The following KCNQ1OT1 variants were observed in gnomAD, a reference collection of about 807,000 sequenced individuals.
The protein encoded by KCNQ1OT1 is KCNQ1 antisense RNA 2 (non-protein coding).
exon 1 of KCNQ1OT1, chr11:2,655,610 A>C: frequency 2.5e-6 from 1 of 398,750 alleles, no homozygotes; most frequent in Admixed American, 4.4e-5. Context: ...GTTAGGGCAC[A>C]GCACTTGCCC....
chr11:2,619,518 CAT>C (rs1305074004), exon 1 of KCNQ1OT1: 3 of 398,444 alleles, frequency 7.5e-6, no homozygotes, highest in African/African-American at 6.2e-5. Flanking sequence ...ATTAATTCCA[CAT>C]AGACATGATA....
Position 2,690,874 on chromosome 11 carries a change from G to A in KCNQ1OT1, n.9121C>T, listed in dbSNP as rs775495913. ...CAGGTACCTTTAGGGACACAGGAGT[G>A]TAAGCCACTGTTTCCGTCTGGGTTT... On this transcript the variant is annotated non_coding_transcript_exon_variant, in exon 1 of 1. Coordinates refer to ENST00000597346, the Ensembl canonical transcript of KCNQ1OT1. This position sits in a 1 kb window ranked among gnomAD's most constrained non-coding sequence, Gnocchi z 5.1. 4 of 398,506 alleles carry A rather than the reference G, an allele frequency of 1.0e-5. No homozygotes were observed. Among genetic ancestry groups the A allele is most frequent in the Non-Finnish European group, 1.3e-5 (3 of 226,072 alleles). The allele number at this position is 398,506 out of a possible 1,614,324, so 24.7% of individuals were successfully genotyped here.
In KCNQ1OT1 at chr11:2,661,905, A is replaced by G. The variant is rs202207669; in HGVS notation, n.38090T>C. On this transcript the variant is annotated non_coding_transcript_exon_variant, in exon 1 of 1. Transcript: ENST00000597346. The surrounding 1 kb of genome is among the most constrained non-coding windows in gnomAD (Gnocchi z 5.9). ...TGGGAGCTCACAGGCCTGGCTCCAC[A>G]GCACTGGCAGGTTGGGTGGGAGGCC... 3.1e-6 allele frequency: 5 copies of G among 1,612,834 alleles called. No homozygotes were observed. Among genetic ancestry groups the G allele is most frequent in the Non-Finnish European group, 4.2e-6 (5 of 1,179,160 alleles).
chr11:2,640,918 C>G lies in KCNQ1OT1; in HGVS notation n.59077G>C, dbSNP rs758637364. On this transcript the variant is annotated non_coding_transcript_exon_variant, in exon 1 of 1. Transcript: ENST00000597346. ...TTATAGCTCCCACATATGATAATAA[C>G]ATAAGATAATTATCTTTCTGTGCCT... is the stretch of plus-strand genomic sequence containing the variant. 1.2e-4 allele frequency: 48 copies of G among 399,436 alleles called. No individual in the cohort carries two copies. The Middle Eastern group carries it at 1.7e-3, about 14-fold the overall frequency. 24.7% of individuals were successfully genotyped at this position (399,436 alleles called of 1,614,324 possible). A position where few individuals can be genotyped will look rare whatever the true frequency, so the allele number is the denominator to read the frequency against.
chr11:2,675,468 C>A (rs1007208552), exon 1 of KCNQ1OT1: 1 of 398,474 alleles, frequency 2.5e-6, no homozygotes, highest in Non-Finnish European at 4.4e-6. Flanking sequence ...AAAAAAGTTA[C>A]ATAAAAACGT....
rs545049045 is a variant in KCNQ1OT1, at chr11:2,660,096, C to T, written n.39899G>A. ...CTCTTACGAGTTAAACTTTTGGTTT[C>T]GTATTTCAGAATTCACTGCCAAATC... On this transcript the variant is annotated non_coding_transcript_exon_variant, in exon 1 of 1. Transcript: ENST00000597346. The T allele has an allele frequency of 1.0e-3, 399 of 393,168 alleles. No individual in the cohort carries two copies. Among genetic ancestry groups the T allele is most frequent in the Non-Finnish European group, 1.5e-3 (332 of 221,842 alleles). The allele number at this position is 393,168 out of a possible 1,614,324, so 24.4% of individuals were successfully genotyped here. A position where few individuals can be genotyped will look rare whatever the true frequency, so the allele number is the denominator to read the frequency against.
exon 1 of KCNQ1OT1, chr11:2,615,514 C>T (rs2133796341): frequency 7.5e-6 from 3 of 397,822 alleles, no homozygotes; most frequent in Middle Eastern, 1.3e-3. Flanking sequence ...TTTTTTTTCT[C>T]ATTAAGTATA....
At chr11:2,622,141 A>G (rs912831242) in exon 1 of KCNQ1OT1, 7 of 398,208 alleles carry the variant, frequency 1.8e-5, no homozygotes, top group Admixed American at 8.8e-5. Context: ...CCCATTACTG[A>G]AAGTACGTTA....
exon 1 of KCNQ1OT1, chr11:2,610,141 T>C (rs1465196): frequency 5.0e-6 from 2 of 397,860 alleles, no homozygotes; most frequent in African/African-American, 4.1e-5. Flanking sequence ...TAATATAAAT[T>C]TTCATTTCTT....
chr11:2,668,343 C>G lies in KCNQ1OT1; in HGVS notation n.31652G>C, dbSNP rs553585367. Reference sequence around the variant, plus strand: ...TGCCTATGTGTGGAGCTGCAGGGTCCTGGGTGGGCATATGTTTACTCTTAG... The same window carrying G: ...TGCCTATGTGTGGAGCTGCAGGGTCGTGGGTGGGCATATGTTTACTCTTAG... On this transcript the variant is annotated non_coding_transcript_exon_variant, in exon 1 of 1. Coordinates refer to ENST00000597346, the Ensembl canonical transcript of KCNQ1OT1. The surrounding 1 kb of genome is among the most constrained non-coding windows in gnomAD (Gnocchi z 4.3). 1 of 398,580 alleles carries G rather than the reference C, an allele frequency of 2.5e-6. No homozygotes were observed. The highest frequency in any genetic ancestry group is 1.3e-4 in the South Asian group (1 of 7,850). The allele number at this position is 398,580 out of a possible 1,614,324, so 24.7% of individuals were successfully genotyped here. A position where few individuals can be genotyped will look rare whatever the true frequency, so the allele number is the denominator to read the frequency against.
exon 1 of KCNQ1OT1, chr11:2,693,959 C>T (rs1850631589): frequency 5.0e-6 from 2 of 398,622 alleles, no homozygotes; most frequent in Non-Finnish European, 4.4e-6. Context: ...CATCAGTCTG[C>T]ACTAACTGGA....
chr11:2,623,421 T>G lies in KCNQ1OT1; in HGVS notation n.76574A>C. The stretch of plus-strand genomic sequence containing the variant: ...CTAAAAGTACTCTGTGCACTGCCTA[T>G]TCAACCCTTCTTCCCCAACAACCCT... On this transcript the variant is annotated non_coding_transcript_exon_variant, in exon 1 of 1. Coordinates refer to ENST00000597346, the Ensembl canonical transcript of KCNQ1OT1. The surrounding 1 kb of genome is among the most constrained non-coding windows in gnomAD (Gnocchi z 5.2). 2.5e-6 allele frequency: 1 copy of G among 398,644 alleles called. No homozygotes were observed. The highest frequency in any genetic ancestry group is 4.4e-6 in the Non-Finnish European group (1 of 226,064). 24.7% of individuals were successfully genotyped at this position (398,644 alleles called of 1,614,324 possible).
exon 1 of KCNQ1OT1, chr11:2,675,638 G>A (rs1421895364): frequency 2.5e-6 from 1 of 398,626 alleles, no homozygotes; most frequent in Non-Finnish European, 4.4e-6. Flanking sequence ...ATTAGAGGGT[G>A]GTTGGGCTCT....
At position 2,617,051 on chromosome 11, in the gene KCNQ1OT1, C is replaced by A; in HGVS notation, n.82944G>T. 2.5e-6 allele frequency: 1 copy of A among 397,936 alleles called. No homozygotes were observed. Among genetic ancestry groups the A allele is most frequent in the East Asian group, 3.6e-5 (1 of 28,032 alleles). The allele number at this position is 397,936 out of a possible 1,614,324, so 24.7% of individuals were successfully genotyped here. A position where few individuals can be genotyped will look rare whatever the true frequency, so the allele number is the denominator to read the frequency against. On this transcript the variant is annotated non_coding_transcript_exon_variant, in exon 1 of 1. Transcript: ENST00000597346. This position sits in a 1 kb window ranked among gnomAD's most constrained non-coding sequence, Gnocchi z 4.6. ...AACATAGTGATGCAAATTAATATGT[C>A]CATCATCTCACAGTTATTCTTTTGT... is the stretch of plus-strand genomic sequence containing the variant.
exon 1 of KCNQ1OT1, chr11:2,618,454 G>C (rs1849106296): frequency 5.0e-6 from 2 of 398,490 alleles, no homozygotes; most frequent in South Asian, 2.5e-4. Context: ...ATTTATGAGA[G>C]AGACTATCTT....
chr11:2,659,746 C>G lies in KCNQ1OT1; in HGVS notation n.40249G>C, dbSNP rs1849917053. On this transcript the variant is annotated non_coding_transcript_exon_variant, in exon 1 of 1. Coordinates refer to ENST00000597346, the Ensembl canonical transcript of KCNQ1OT1. The surrounding 1 kb of genome is among the most constrained non-coding windows in gnomAD (Gnocchi z 4.3). ...ATGAGAGTTCTACATGTTCCACATC[C>G]TCAAGAGTGGTTGGTATTGTCAGGT... is the stretch of plus-strand genomic sequence containing the variant. 1 of 398,304 alleles carries G rather than the reference C, an allele frequency of 2.5e-6. No homozygotes were observed. The highest frequency in any genetic ancestry group is 2.1e-5 in the African/African-American group (1 of 48,598). 24.7% of individuals were successfully genotyped at this position (398,304 alleles called of 1,614,324 possible).
chr11:2,678,711 T>TA lies in KCNQ1OT1; in HGVS notation n.21283dup. ...CTAAGATCTAAACACTCTTAAGATT[T>TA]AAACACAGGATTAGCTCTTGAGTTA... On this transcript the variant is annotated non_coding_transcript_exon_variant, in exon 1 of 1. Coordinates refer to ENST00000597346, the Ensembl canonical transcript of KCNQ1OT1. This position sits in a 1 kb window ranked among gnomAD's most constrained non-coding sequence, Gnocchi z 4.9. 1 of 398,646 alleles carries TA rather than the reference T, an allele frequency of 2.5e-6. No homozygotes were observed. 24.7% of individuals were successfully genotyped at this position (398,646 alleles called of 1,614,324 possible). A position where few individuals can be genotyped will look rare whatever the true frequency, so the allele number is the denominator to read the frequency against.
At chr11:2,666,107 G>C (rs1056277066) in exon 1 of KCNQ1OT1, 5 of 398,570 alleles carry the variant, frequency 1.3e-5, no homozygotes, top group African/African-American at 1.0e-4. Context: ...CAGTCATGTG[G>C]TTTCTCTGAA....
chr11:2,611,965 C>G lies in KCNQ1OT1; in HGVS notation n.88030G>C, dbSNP rs903055595. 1.1e-4 allele frequency: 45 copies of G among 398,324 alleles called. No individual in the cohort carries two copies. The highest frequency in any genetic ancestry group is 8.4e-4 in the African/African-American group (41 of 48,552). The allele number at this position is 398,324 out of a possible 1,614,324, so 24.7% of individuals were successfully genotyped here. ...ATCTACTCAAATATTTTTGTCTGCC[C>G]TATTCTCTCCTTCTCAGTACTCTTA... On this transcript the variant is annotated non_coding_transcript_exon_variant, in exon 1 of 1. Transcript: ENST00000597346. The surrounding 1 kb of genome is among the most constrained non-coding windows in gnomAD (Gnocchi z 5.3).
Sources: allele counts gnomAD v4.1 joint callset, GRCh38; gene constraint gnomAD v4.1.1; non-coding constraint Gnocchi (gnomAD v3.1); transcripts MANE v1.5; gene names NCBI Gene and HGNC (gene_info 2026-07-23, HGNC 2026-07-21).